Variants in CAPS2 observed in about 807,000 individuals in gnomAD.
CAPS2 encodes the protein calcyphosine 2.
CAPS2 carries 98 observed loss-of-function variants against 86.5 expected under a neutral mutation model. That is an observed-to-expected ratio of 1.13 (90% confidence interval 0.96 to 1.34). The LOEUF is 1.34. Ranked by LOEUF, CAPS2 falls within the 40% of genes most tolerant of loss-of-function variation. The pLI, the probability that CAPS2 is intolerant of heterozygous loss-of-function variation, is 0.00. For missense variants in CAPS2, 729 were observed against 686.8 expected, an observed-to-expected ratio of 1.06 and a Z score of -0.69; for synonymous variants, 210 against 225.1, an observed-to-expected ratio of 0.93 and a Z score of 0.60.
rs1593701647 is a variant in CAPS2 at position 75,345,321 on chromosome 12, A to G, written c.-394-22099T>C. Among the ~76,000 whole-genome samples, 5 of 152,128 alleles carry G rather than the reference A, an allele frequency of 3.3e-5. 1 individual carries two copies. The highest frequency in any genetic ancestry group is 7.4e-5 in the Non-Finnish European group (5 of 67,988). ...TGTTGTGTTGCCTAATGTCTTGAAAACCATTACTTCCTATAATTTTCTCAA... is the reference window on the plus strand; with the variant it reads ...TGTTGTGTTGCCTAATGTCTTGAAAGCCATTACTTCCTATAATTTTCTCAA... On this transcript the variant is annotated intron_variant, in intron 1 of 5. Transcript: ENST00000551829.
At chr12:75,352,461 AATAT>A (rs2042879708) in intron 1 of CAPS2, among the ~76,000 whole-genome samples, 1 of 152,370 alleles carries the variant, frequency 6.6e-6, no homozygotes, top group South Asian at 2.1e-4. Context: ...AACTGTCCTA[AATAT>A]ATATGCACCC....
At chr12:75,381,589 G>T (rs2044981967) in intron 1 of CAPS2, among the ~76,000 whole-genome samples, 2 of 135,454 alleles carry the variant, frequency 1.5e-5, no homozygotes, top group South Asian at 4.8e-4. Flanking sequence ...TTCTAATGGT[G>T]CTGCTGTTAT....
chr12:75,328,156 G>C (rs1177909653), upstream of CAPS2, among the ~76,000 whole-genome samples: 1 of 152,110 alleles, frequency 6.6e-6, no homozygotes, highest in East Asian at 1.9e-4. Context: ...TTTAAAAGTT[G>C]CTGTTGTTTT....
chr12:75,332,861 A>C (rs2041429492), upstream of CAPS2, among the ~76,000 whole-genome samples: 1 of 152,198 alleles, frequency 6.6e-6, no homozygotes, highest in Non-Finnish European at 1.5e-5. Flanking sequence ...AAGAAAAATA[A>C]AACAGGTTAA....
chr12:75,305,631 A>T, intron 7 of CAPS2: 1 of 622,158 alleles, frequency 1.6e-6, no homozygotes, highest in Non-Finnish European at 3.1e-6. Context: ...GCTCAGCAGC[A>T]GGCCGCGGAG....
intron 1 of CAPS2, among the ~76,000 whole-genome samples, chr12:75,368,856 A>T (rs887271700): frequency 2.0e-5 from 3 of 151,830 alleles, no homozygotes; most frequent in Admixed American, 6.6e-5. Flanking sequence ...TTAATTACTA[A>T]TTTTTTTCAT....
intron 7 of CAPS2, among the ~76,000 whole-genome samples, chr12:75,311,699 GGAAAAAAAAAAACAAAAAAAAAAACAAA>G (rs1209705803): frequency 1.2e-4 from 2 of 16,994 alleles, no homozygotes; most frequent in Non-Finnish European, 3.2e-4. Flanking sequence ...AAGCCATGCA[GGAAAAAAAAAAACAAAAAAAAAAACAAA>G]AAAAAAAAAA....
At chr12:75,335,005 T>C (rs2041625860), upstream of CAPS2, 1 of 1,144,048 alleles carries the variant, frequency 8.7e-7, no homozygotes, top group Non-Finnish European at 1.2e-6. Flanking sequence ...ATCCGGACTT[T>C]ACATATATGC....
At chr12:75,342,783 A>G (rs1230059252) in intron 1 of CAPS2, among the ~76,000 whole-genome samples, 1 of 152,136 alleles carries the variant, frequency 6.6e-6, no homozygotes, top group Non-Finnish European at 1.5e-5. Flanking sequence ...TTTGCAATAC[A>G]GAATATTCTG....
At chr12:75,390,016 A>C (rs1413573713) in intron 1 of CAPS2, among the ~76,000 whole-genome samples, 1 of 152,302 alleles carries the variant, frequency 6.6e-6, no homozygotes, top group South Asian at 2.1e-4. Flanking sequence ...TTTTAAAAGC[A>C]CTTTTCTTTT....
chr12:75,378,388 A>G (rs1193603748), intron 1 of CAPS2, among the ~76,000 whole-genome samples: 1 of 152,196 alleles, frequency 6.6e-6, no homozygotes, highest in Non-Finnish European at 1.5e-5. Flanking sequence ...AACACAACCA[A>G]TAGCGGAGAG....
At chr12:75,327,248 C>A (rs534656155), upstream of CAPS2, among the ~76,000 whole-genome samples, 5 of 152,130 alleles carry the variant, frequency 3.3e-5, no homozygotes, top group South Asian at 8.3e-4. Context: ...ATTTCCCAAA[C>A]CTTTATGAGT....
At chr12:75,285,634 TAACA>T (rs925191662) in intron 14 of CAPS2, among the ~76,000 whole-genome samples, 4 of 151,954 alleles carry the variant, frequency 2.6e-5, no homozygotes, top group African/African-American at 7.2e-5. Context: ...CATGCTCTGG[TAACA>T]AACTTATCTT....
intron 8 of CAPS2, among the ~76,000 whole-genome samples, chr12:75,301,356 G>A (rs1218937188): frequency 2.6e-5 from 4 of 152,162 alleles, no homozygotes; most frequent in African/African-American, 9.7e-5. Context: ...CCAAATGAGA[G>A]TTTGTAAGCA....
Position 75,298,685 on chromosome 12 carries a change from A to C in CAPS2, c.1044+2T>G, listed in dbSNP as rs201469984. The C allele has an allele frequency of 2.5e-5, 41 of 1,611,400 alleles. No individual in the cohort carries two copies. The highest frequency in any genetic ancestry group is 1.7e-5 in the Admixed American group (1 of 60,000). On this transcript the variant is annotated splice_donor_variant, in intron 11 of 16. Transcript: ENST00000393284. LOFTEE classifies it high-confidence loss of function. ...ATGTGTGCACACACACACACCACTT[A>C]CAACATAAAAATCACCAAGTCGGTA...
intron 1 of CAPS2, chr12:75,370,228 T>TTCA (rs2044272131): frequency 1.1e-6 from 1 of 902,086 alleles, no homozygotes; most frequent in Non-Finnish European, 1.8e-6. Flanking sequence ...AGGAATAGTT[T>TTCA]ATTGCTTAAT....
intron 1 of CAPS2, among the ~76,000 whole-genome samples, chr12:75,350,693 T>C (rs192486908): frequency 6.6e-6 from 1 of 152,056 alleles, no homozygotes; most frequent in Admixed American, 6.5e-5. Flanking sequence ...CATCCAAAGG[T>C]CAGCAGATTC....
chr12:75,305,451 G>A, intron 7 of CAPS2: 1 of 529,874 alleles, frequency 1.9e-6, no homozygotes. Context: ...CAGACCGGTT[G>A]GAACAAAGTA....
At chr12:75,384,057 A>T (rs796531554) in intron 1 of CAPS2, among the ~76,000 whole-genome samples, 6 of 152,268 alleles carry the variant, frequency 3.9e-5, no homozygotes, top group African/African-American at 1.4e-4. Flanking sequence ...GAATAAATAT[A>T]TTAGAAAAGA....
Sources: gnomAD v4.1 joint callset for allele counts (sites outside exome capture counted in the v4.1 genomes callset) on GRCh38, gnomAD v4.1.1 for gene constraint, MANE v1.5 for transcripts, NCBI Gene and HGNC (gene_info 2026-07-23, HGNC 2026-07-21) for gene names.